CABIN1: variants seen among roughly 807,000 people sequenced by gnomAD.
CABIN1 encodes calcineurin-binding protein cabin-1.
Under a neutral mutation model 227.7 loss-of-function variants are expected in CABIN1, and 133 were observed. The ratio of observed to expected loss-of-function variants is 0.58; its 90% CI spans 0.51 to 0.67. CABIN1 has a LOEUF of 0.67. Among genes scored for constraint, CABIN1 ranks in the 30% least tolerant of loss-of-function variants. The pLI is 0.00. For missense variants in CABIN1, 2,408 were observed against 2,852.5 expected, an observed-to-expected ratio of 0.84 and a Z score of 3.55; for synonymous variants, 1,086 against 1,155.1, an observed-to-expected ratio of 0.94 and a Z score of 1.21.
intron 29 of CABIN1, 74 bp from the exon 30 acceptor site, chr22:24,164,326 G>A: frequency 6.3e-7 from 1 of 1,579,842 alleles, no homozygotes; most frequent in Non-Finnish European, 8.6e-7. Flanking sequence ...GTTTCCAGGG[G>A]ATACCAGACA....
chr22:24,146,680 T>G (rs1445168622), intron 29 of CABIN1, among the ~76,000 whole-genome samples: 1 of 152,210 alleles, frequency 6.6e-6, no homozygotes, highest in Non-Finnish European at 1.5e-5. Flanking sequence ...AAAAAAATAA[T>G]TAAATAAATA....
chr22:24,070,549 G>T (rs1479133433), intron 16 of CABIN1, among the ~76,000 whole-genome samples: 2 of 152,260 alleles, frequency 1.3e-5, no homozygotes, highest in Admixed American at 6.5e-5. Context: ...AAATGGGGAA[G>T]TTGAGGTACA....
intron 26 of CABIN1, among the ~76,000 whole-genome samples, chr22:24,099,489 G>A (rs974386423): frequency 1.3e-5 from 2 of 152,074 alleles, no homozygotes; most frequent in African/African-American, 4.8e-5. Context: ...CTGACACCTC[G>A]CTGCCCACCC....
At chr22:24,101,810 AAGG>A (rs1422949735) in intron 26 of CABIN1, 1 of 152,208 alleles carries the variant, frequency 6.6e-6, no homozygotes, top group Non-Finnish European at 1.5e-5. Flanking sequence ...CAAGCAACAT[AAGG>A]AGATCTTTGA....
intron 29 of CABIN1, chr22:24,155,692 C>T: frequency 3.9e-6 from 1 of 256,858 alleles, no homozygotes; most frequent in South Asian, 1.3e-4. Flanking sequence ...CTCCAGGGGG[C>T]GCCATTCACA....
Position 24,060,059 on chromosome 22 carries a change from T to C in CABIN1, c.1535T>C (p.Leu512Pro). 6.2e-7 allele frequency: 1 copy of C among 1,614,124 alleles called. No individual in the cohort carries two copies. Among genetic ancestry groups the C allele is most frequent in the East Asian group, 2.2e-5 (1 of 44,870 alleles). ...CCTCCAGGCTTGGCGGAGGTCGTGC[T>C]CAGCGTCTACCACAGCTGGAGGAGG... ...RWPPGLAEVV[L>P]SVYHSWRRHS... Residue 512 changes from leucine (L) to proline (P), a missense_variant, in exon 12 of 37, where the codon CTC becomes CCC. Leu to Pro is a moderately conservative substitution (Grantham distance 98). Coordinates refer to ENST00000263119, the MANE Select transcript of CABIN1 (RefSeq NM_012295.4).
intron 29 of CABIN1, chr22:24,155,779 G>C: frequency 5.1e-6 from 2 of 388,872 alleles, no homozygotes; most frequent in Non-Finnish European, 9.2e-6. Context: ...CGCACTCCTG[G>C]CCACCCCTAC....
At chr22:24,129,509 C>T (rs751449141) in intron 28 of CABIN1, among the ~76,000 whole-genome samples, 1 of 152,222 alleles carries the variant, frequency 6.6e-6, no homozygotes, top group Non-Finnish European at 1.5e-5. Flanking sequence ...ACCTGACATA[C>T]GCTTCCTTCC....
intron 33 of CABIN1, 114 bp from the exon 34 acceptor site, chr22:24,171,599 C>G: frequency 7.9e-7 from 1 of 1,265,570 alleles, no homozygotes; most frequent in Non-Finnish European, 1.1e-6. Flanking sequence ...GCAGTGTTGG[C>G]AGCCCCAGGC....
chr22:24,173,770 G>T (rs907547528), intron 34 of CABIN1, among the ~76,000 whole-genome samples: 1 of 152,086 alleles, frequency 6.6e-6, no homozygotes, highest in Non-Finnish European at 1.5e-5. Context: ...GGAGGCAGAG[G>T]TTGCAATGAG....
intron 28 of CABIN1, among the ~76,000 whole-genome samples, chr22:24,127,150 G>A (rs976737397): frequency 6.6e-6 from 1 of 152,180 alleles, no homozygotes; most frequent in African/African-American, 2.4e-5. Flanking sequence ...GGCCTAGCAG[G>A]ACACAGATGG....
At chr22:24,114,594 T>TTA (rs1451769136) in intron 27 of CABIN1, among the ~76,000 whole-genome samples, 1 of 152,220 alleles carries the variant, frequency 6.6e-6, no homozygotes, top group African/African-American at 2.4e-5. Flanking sequence ...GTGTACACCC[T>TTA]TAACCATTAC....
At chr22:24,113,777 A>T in intron 27 of CABIN1, 29 bp downstream of exon 27, 1 of 1,612,102 alleles carries the variant, frequency 6.2e-7, no homozygotes, top group Non-Finnish European at 8.5e-7. Context: ...GTGAATTAGA[A>T]CCACTTTGAT....
intron 6 of CABIN1, among the ~76,000 whole-genome samples, chr22:24,046,397 A>G (rs2037882018): frequency 6.6e-6 from 1 of 152,148 alleles, no homozygotes; most frequent in Non-Finnish European, 1.5e-5. Flanking sequence ...TCCCACCAGC[A>G]GAATATGATA....
chr22:24,069,263 T>C (rs2039915794), intron 16 of CABIN1, among the ~76,000 whole-genome samples: 1 of 152,252 alleles, frequency 6.6e-6, no homozygotes, highest in South Asian at 2.1e-4. Flanking sequence ...ATCTTTTCCA[T>C]GTATTCCTAC....
chr22:24,043,712 A>G (rs537918212), intron 6 of CABIN1, among the ~76,000 whole-genome samples: 8 of 152,318 alleles, frequency 5.3e-5, no homozygotes, highest in Non-Finnish European at 8.8e-5. Context: ...AGGTTGTGCA[A>G]TCGCATTCCT....
chr22:24,055,015 A>G lies in CABIN1; in HGVS notation c.949A>G (p.Thr317Ala), dbSNP rs1381797085. 6 of 1,614,200 alleles carry G rather than the reference A, an allele frequency of 3.7e-6. No individual in the cohort carries two copies. The highest frequency in any genetic ancestry group is 3.3e-4 in the Middle Eastern group (2 of 6,062). The part of the protein sequence containing the change: ...SQPLESSMVV[T>A]PVNVIQPSTV... ...GCCTCTTGAGTCCTCCATGGTGGTG[A>G]CGCCAGTTAACGTGATCCAGCCAAG... The change falls in exon 9 of 37, where the codon ACG becomes GCG. Residue 317 changes from threonine (T) to alanine (A), a missense_variant. Around this residue, in one of 3 missense-constraint regions of CABIN1, gnomAD observed 1,045 missense variants for 1,168.4 expected, o/e 0.89. Coordinates refer to ENST00000263119, the MANE Select transcript of CABIN1 (RefSeq NM_012295.4).
At chr22:24,135,812 TG>T (rs1569266801) in intron 29 of CABIN1, among the ~76,000 whole-genome samples, 1 of 151,880 alleles carries the variant, frequency 6.6e-6, no homozygotes, top group Non-Finnish European at 1.5e-5. Context: ...TCTGGAGGGG[TG>T]TAACAGGCCA....
chr22:24,134,067 A>T (rs558041144), intron 28 of CABIN1, among the ~76,000 whole-genome samples: 1 of 152,248 alleles, frequency 6.6e-6, no homozygotes, highest in African/African-American at 2.4e-5. Flanking sequence ...GGAGTCAAAG[A>T]CTACACTCCT....
Sources: allele counts gnomAD v4.1 joint callset (sites outside exome capture counted in the v4.1 genomes callset), GRCh38; gene constraint gnomAD v4.1.1; regional missense constraint gnomAD v4.1.1; transcripts MANE v1.5; gene names NCBI Gene and HGNC (gene_info 2026-07-23, HGNC 2026-07-21).